The following CACNA1D variants were observed in gnomAD, a reference collection of about 807,000 sequenced individuals.
CACNA1D encodes the protein voltage-dependent L-type calcium channel subunit alpha-1D.
Under a neutral mutation model 257.1 loss-of-function variants are expected in CACNA1D, and 55 were observed. That is an observed-to-expected ratio of 0.21 (90% confidence interval 0.17 to 0.27). The LOEUF is 0.27. CACNA1D is among the 10% of genes least tolerant of loss of function. The pLI, the probability that CACNA1D is intolerant of heterozygous loss-of-function variation, is 1.00. For synonymous variants in CACNA1D, 980 were observed against 1,014.9 expected, an observed-to-expected ratio of 0.97 and a Z score of 0.65; for missense variants, 1,876 against 2,784.0, an observed-to-expected ratio of 0.67 and a Z score of 7.34.
chr3:53,663,840 G>A (rs1377763892), intron 5 of CACNA1D, among the ~76,000 whole-genome samples: 1 of 151,804 alleles, frequency 6.6e-6, no homozygotes, highest in Non-Finnish European at 1.5e-5. Flanking sequence ...CCAGACTGGA[G>A]TTGCAACCTC....
At chr3:53,649,838 T>G in intron 3 of CACNA1D, among the ~76,000 whole-genome samples, 1 of 152,362 alleles carries the variant, frequency 6.6e-6, no homozygotes, top group African/African-American at 2.4e-5. Flanking sequence ...CAAAGTTAAT[T>G]ACACACATCT....
intron 45 of CACNA1D, chr3:53,807,985 G>A (rs759318753): frequency 6.5e-6 from 1 of 153,272 alleles, no homozygotes; most frequent in Non-Finnish European, 1.5e-5. Flanking sequence ...GGACACTTAG[G>A]GTATCTGGAA....
At chr3:53,729,683 C>T (rs1456248325) in intron 15 of CACNA1D, among the ~76,000 whole-genome samples, 1 of 152,196 alleles carries the variant, frequency 6.6e-6, no homozygotes, top group Non-Finnish European at 1.5e-5. Flanking sequence ...ATAATTTGTT[C>T]AGTCACCTAA....
intron 8 of CACNA1D, among the ~76,000 whole-genome samples, chr3:53,690,642 G>T (rs2094511212): frequency 6.6e-6 from 1 of 152,216 alleles, no homozygotes; most frequent in South Asian, 2.1e-4. Flanking sequence ...AGCTCACAGG[G>T]TGGTTTCCGT....
intron 9 of CACNA1D, among the ~76,000 whole-genome samples, chr3:53,705,915 G>A (rs936762672): frequency 1.3e-5 from 2 of 152,198 alleles, no homozygotes; most frequent in Non-Finnish European, 2.9e-5. Flanking sequence ...GGCCCACATG[G>A]TCCTCCTCAC....
intron 40 of CACNA1D, chr3:53,790,913 T>A: frequency 1.5e-6 from 1 of 687,142 alleles, no homozygotes; most frequent in Non-Finnish European, 2.6e-6. Context: ...AATTTTTTTC[T>A]TTTTTTAATC....
chr3:53,687,083 T>G (rs1488475681), intron 8 of CACNA1D, among the ~76,000 whole-genome samples: 1 of 151,998 alleles, frequency 6.6e-6, no homozygotes, highest in Non-Finnish European at 1.5e-5. Flanking sequence ...AGAAAAGATA[T>G]GGAAGACCTC....
intron 3 of CACNA1D, among the ~76,000 whole-genome samples, chr3:53,612,729 G>A (rs1008755469): frequency 3.3e-5 from 5 of 151,984 alleles, no homozygotes; most frequent in African/African-American, 4.8e-5. Flanking sequence ...TCTGCTTGGC[G>A]CCCCCACTCT....
In CACNA1D at chr3:53,774,719, G is replaced by T. The variant is rs757142406; in HGVS notation, c.4202+41G>T. 14 of 1,193,624 alleles carry T rather than the reference G, an allele frequency of 1.2e-5. No individual in the cohort carries two copies. The highest frequency in any genetic ancestry group is 8.4e-5 in the Admixed American group (5 of 59,498). The allele number at this position is 1,193,624 out of a possible 1,614,324, so 73.9% of individuals were successfully genotyped here. A position where few individuals can be genotyped will look rare whatever the true frequency, so the allele number is the denominator to read the frequency against. ...TTGGGCGGTGCTCCTGGGCAGGGGG[G>T]TCCGCTAGGCGTGGGTCCAGAGGGA... is the stretch of plus-strand genomic sequence containing the variant. On this transcript the variant is annotated intron_variant, in intron 34 of 47. Coordinates refer to ENST00000350061, the MANE Select transcript of CACNA1D (RefSeq NM_001128840.3). The surrounding 1 kb of genome is among the most constrained non-coding windows in gnomAD (Gnocchi z 4.3).
chr3:53,779,799 C>G (rs1306167509), intron 37 of CACNA1D, among the ~76,000 whole-genome samples: 1 of 152,064 alleles, frequency 6.6e-6, no homozygotes, highest in African/African-American at 2.4e-5. Context: ...CTGGAAAAAC[C>G]CTCGCAGACA....
At chr3:53,661,356 A>G (rs1228616182) in intron 5 of CACNA1D, among the ~76,000 whole-genome samples, 1 of 152,188 alleles carries the variant, frequency 6.6e-6, no homozygotes, top group Admixed American at 6.5e-5. Flanking sequence ...CAAATTTAAC[A>G]TTTTAAAATG....
rs147146258 is a variant in CACNA1D at position 53,753,597 on chromosome 3, A to G, written c.3701A>G (p.Asn1234Ser). The part of the protein sequence containing the change: ...MQHYEQSKMF[N>S]DAMDILNMVF... Reference sequence around the variant, plus strand: ...CACTACGAGCAGTCCAAGATGTTCAATGATGCCATGGACATTCTGAACATG... The same window carrying G: ...CACTACGAGCAGTCCAAGATGTTCAGTGATGCCATGGACATTCTGAACATG... Residue 1234 changes from asparagine to serine, a missense_variant, in exon 29 of 48, where the codon AAT becomes AGT. Asn to Ser is a conservative substitution (Grantham distance 46, BLOSUM62 1). Around this residue, in one of 10 missense-constraint regions of CACNA1D, gnomAD observed 204 missense variants for 309.4 expected, o/e 0.66. Transcript: ENST00000350061. 8.0e-4 allele frequency: 1,287 copies of G among 1,611,702 alleles called. 3 individuals are homozygous for G. The highest frequency in any genetic ancestry group is 8.9e-4 in the Non-Finnish European group (1,054 of 1,177,728).
chr3:53,726,427 C>T (rs577447373), intron 14 of CACNA1D, among the ~76,000 whole-genome samples: 1 of 123,960 alleles, frequency 8.1e-6, no homozygotes, highest in South Asian at 3.0e-4. Context: ...CACTTGAGGT[C>T]AGGAGTTCGA....
chr3:53,595,638 CTT>C (rs1370593433), intron 3 of CACNA1D, among the ~76,000 whole-genome samples: 2 of 152,130 alleles, frequency 1.3e-5, no homozygotes, highest in Non-Finnish European at 2.9e-5. Flanking sequence ...CTGCCTGACT[CTT>C]TTACCCACTC....
At chr3:53,744,863 G>T (rs756481565) in intron 23 of CACNA1D, 36 bp downstream of exon 23, 2 of 1,230,550 alleles carry the variant, frequency 1.6e-6, no homozygotes, top group Admixed American at 1.7e-5. Context: ...GGCTGGCTTG[G>T]GTTGGGGTTG....
At chr3:53,634,738 A>G (rs1443227245) in intron 3 of CACNA1D, among the ~76,000 whole-genome samples, 2 of 152,222 alleles carry the variant, frequency 1.3e-5, no homozygotes, top group Non-Finnish European at 2.9e-5. Context: ...ATTTCCCACC[A>G]TCAGTATCAA....
At chr3:53,502,153 C>G (rs188216236) in intron 3 of CACNA1D, among the ~76,000 whole-genome samples, 1 of 150,832 alleles carries the variant, frequency 6.6e-6, no homozygotes, top group South Asian at 2.1e-4. Flanking sequence ...TGTACATGAA[C>G]TATTTTTAGA....
intron 3 of CACNA1D, among the ~76,000 whole-genome samples, chr3:53,528,260 G>C (rs2091832663): frequency 6.6e-6 from 1 of 152,166 alleles, no homozygotes; most frequent in Non-Finnish European, 1.5e-5. Context: ...GTATCCAGTT[G>C]CTCCAGCAAC....
chr3:53,619,285 A>G (rs1277334023), intron 3 of CACNA1D, among the ~76,000 whole-genome samples: 1 of 152,198 alleles, frequency 6.6e-6, no homozygotes, highest in African/African-American at 2.4e-5. Flanking sequence ...CCTGGCCCTC[A>G]GAAAATTAAA....
Sources: gnomAD v4.1 joint callset for allele counts (sites outside exome capture counted in the v4.1 genomes callset) on GRCh38, gnomAD v4.1.1 for gene constraint, gnomAD v4.1.1 regional missense constraint, Gnocchi (gnomAD v3.1) non-coding constraint, MANE v1.5 for transcripts, NCBI Gene and HGNC (gene_info 2026-07-23, HGNC 2026-07-21) for gene names.